The following CDC42BPG variants were observed in gnomAD, a reference collection of about 807,000 sequenced individuals.
CDC42BPG encodes the protein serine/threonine-protein kinase MRCK gamma.
CDC42BPG carries 157 observed loss-of-function variants against 192.2 expected under a neutral mutation model. The ratio of observed to expected loss-of-function variants is 0.82; its 90% confidence interval spans 0.72 to 0.93. The LOEUF (loss-of-function observed/expected upper bound fraction) is 0.93, where lower values mean the gene tolerates loss of function less well. Ranked by LOEUF, CDC42BPG falls within the 40% of genes least tolerant of loss-of-function variation. The probability of loss-of-function intolerance (pLI) is 0.00; values close to 1 mark genes in which losing one functional copy is unlikely to be tolerated. For synonymous variants in CDC42BPG, 981 were observed against 918.5 expected (o/e 1.07, Z -1.23); for missense variants, 1,992 against 2,122.1 (o/e 0.94, Z 1.20).
At chr11:64,839,344 C>T in intron 6 of CDC42BPG, 111 bp from the exon 7 acceptor site, 2 of 1,512,482 alleles carry the variant, frequency 1.3e-6, no homozygotes, top group South Asian at 1.2e-5. Flanking sequence ...CTGCTGCTGC[C>T]CACCTGGGGC....
At chr11:64,836,711 G>GGGGGGGT in intron 11 of CDC42BPG, 28 bp downstream of exon 11, 1 of 608,686 alleles carries the variant, frequency 1.6e-6, no homozygotes, top group Non-Finnish European at 2.5e-6. Flanking sequence ...AGCCCTGGGG[G>GGGGGGGT]GGGGGGGGGG....
intron 28 of CDC42BPG, 67 bp downstream of exon 28, chr11:64,831,438 A>C: frequency 7.0e-7 from 1 of 1,428,606 alleles, no homozygotes; most frequent in Non-Finnish European, 9.7e-7. Flanking sequence ...GGCCCTTGGG[A>C]CTATTCCTAG....
intron 11 of CDC42BPG, 59 bp from the exon 12 acceptor site, chr11:64,836,589 A>G: frequency 6.8e-7 from 1 of 1,478,340 alleles, no homozygotes; most frequent in Non-Finnish European, 9.4e-7. Context: ...TCAGCCCAGG[A>G]GCAAGTCTCC....
intron 36 of CDC42BPG, among the ~76,000 whole-genome samples, chr11:64,825,751 G>A (rs181692365): frequency 1.3e-5 from 2 of 152,262 alleles, no homozygotes; most frequent in Admixed American, 6.5e-5. Flanking sequence ...ACTCCCTGCT[G>A]TGGACTGGGC....
rs558837870 is a variant in CDC42BPG, at chr11:64,826,506, G to A, written c.4563C>T (p.Pro1521=). 15 of 1,605,388 alleles carry A rather than the reference G, an allele frequency of 9.3e-6. No individual in the cohort carries two copies. Among genetic ancestry groups the A allele is most frequent in the Admixed American group, 6.8e-5 (4 of 58,644 alleles). ...TSLSSESVSC[P]QGSLSPATSL... The stretch of plus-strand genomic sequence containing the variant: ...AGGTTGCAGGGCTCAGCGATCCCTG[G>A]GGGCAGGACACAGACTCGCTGGACA... The change falls in exon 36 of 37, where the codon CCC becomes CCT. Residue 1521 remains proline (P), a synonymous_variant. Coordinates refer to ENST00000342711, the MANE Select transcript of CDC42BPG (RefSeq NM_017525.3).
In CDC42BPG at chr11:64,838,741, C is replaced by A. The variant is rs749101098; in HGVS notation, c.1038G>T (p.Ala346=). 2 of 1,612,868 alleles carry A rather than the reference C, an allele frequency of 1.2e-6. No individual in the cohort carries two copies. Among genetic ancestry groups the A allele is most frequent in the Admixed American group, 3.3e-5 (2 of 60,008 alleles). The change falls in exon 8 of 37, where the codon GCG becomes GCT. Residue 346 remains alanine (A), a synonymous_variant. Transcript: ENST00000342711. The part of the protein sequence containing the change: ...FFEGVDWERL[A]SSTAPYIPEL... ...CAGGAATATAGGGGGCCGTGCTGCT[C>A]GCCAGCCGCTCCCAGTCCACGCCTT...
At chr11:64,837,102 T>C (rs991790001) in intron 9 of CDC42BPG, 83 bp from the exon 10 acceptor site, 14 of 1,225,514 alleles carry the variant, frequency 1.1e-5, no homozygotes, top group Non-Finnish European at 1.7e-5. Flanking sequence ...GAATCACTCA[T>C]TAATTGTGAA....
chr11:64,831,403 G>T, intron 28 of CDC42BPG, 102 bp downstream of exon 28: 2 of 1,092,658 alleles, frequency 1.8e-6, no homozygotes, highest in African/African-American at 1.5e-5. Flanking sequence ...GTGTCTCGTG[G>T]CTGCAGGGAA....
At position 64,835,595 on chromosome 11, in the gene CDC42BPG, G is replaced by A. The variant is rs1005992270; in HGVS notation, c.1785C>T (p.Asn595=). 3.2e-6 allele frequency: 5 copies of A among 1,575,178 alleles called. No homozygotes were observed. Among genetic ancestry groups the A allele is most frequent in the African/African-American group, 1.3e-5 (1 of 74,164 alleles). Residue 595 remains asparagine, a synonymous_variant, in exon 15 of 37, where the codon AAC becomes AAT. Transcript: ENST00000342711. ...AKTIHTASET[N]GMGPPEGGPQ... is the part of the protein sequence containing the mutation. Reference sequence around the variant, plus strand: ...GCCCACCCTCAGGGGGTCCCATCCCGTTGGTCTCAGAGGCTGTGTGGATGG... The same window carrying A: ...GCCCACCCTCAGGGGGTCCCATCCCATTGGTCTCAGAGGCTGTGTGGATGG...
At chr11:64,836,326 G>A (rs573751903) in intron 12 of CDC42BPG, 30 bp from the exon 13 acceptor site, 3 of 1,608,582 alleles carry the variant, frequency 1.9e-6, no homozygotes, top group East Asian at 2.2e-5. Flanking sequence ...AGCGGGGAAG[G>A]ACAAGGCCCA....
intron 3 of CDC42BPG, among the ~76,000 whole-genome samples, chr11:64,841,046 G>C (rs1308203247): frequency 6.6e-6 from 1 of 152,122 alleles, no homozygotes; most frequent in African/African-American, 2.4e-5. Flanking sequence ...AGCTACTTGG[G>C]AGGCTGAGGC....
In CDC42BPG at chr11:64,839,520, C is replaced by G; in HGVS notation, c.633G>C (p.Leu211=). ...VLLDVNGHIR[L]ADFGSCLRLN... ...GACGCAGGCAGGAGCCGAAGTCAGC[C>G]AGGCGAATGTGCCCGTTCACATCCA... is the stretch of plus-strand genomic sequence containing the variant. The change falls in exon 6 of 37, where the codon CTG becomes CTC. Residue 211 remains leucine, a synonymous_variant. Coordinates refer to ENST00000342711, the MANE Select transcript of CDC42BPG (RefSeq NM_017525.3). The G allele has an allele frequency of 6.2e-7, 1 of 1,613,284 alleles. No individual in the cohort carries two copies. The highest frequency in any genetic ancestry group is 8.5e-7 in the Non-Finnish European group (1 of 1,180,004).
intron 32 of CDC42BPG, 49 bp from the exon 33 acceptor site, chr11:64,827,447 C>A (rs374492425): frequency 6.2e-7 from 1 of 1,604,392 alleles, no homozygotes; most frequent in South Asian, 1.1e-5. Context: ...TCCCGGGGCC[C>A]AGTCAGCTGG....
chr11:64,832,848 G>A lies in CDC42BPG; in HGVS notation c.2843C>T (p.Thr948Ile). 2 of 1,577,244 alleles carry A rather than the reference G, an allele frequency of 1.3e-6. No individual in the cohort carries two copies. Among genetic ancestry groups the A allele is most frequent in the Non-Finnish European group, 1.7e-6 (2 of 1,161,702 alleles). ...LGVHPETGTG[T>I]AYEGFLSVPR... ...CACCGACAGAAAGCCCTCATAGGCA[G>A]TGCCTGTGCCTGTTTCGGGGTGTAC... is the stretch of plus-strand genomic sequence containing the variant. The change falls in exon 25 of 37, where the codon ACT becomes ATT. Residue 948 changes from threonine (T) to isoleucine (I), a missense_variant. Thr to Ile is a moderately conservative substitution (Grantham distance 89). Around this residue, in one of 2 missense-constraint regions of CDC42BPG, gnomAD observed 1,656 missense variants for 1,844.3 expected, o/e 0.90. Transcript: ENST00000342711.
chr11:64,840,731 G>T, intron 3 of CDC42BPG, 83 bp from the exon 4 acceptor site: 1 of 1,218,832 alleles, frequency 8.2e-7, no homozygotes, highest in Non-Finnish European at 1.2e-6. Flanking sequence ...GATGGAGAAA[G>T]ATTCTGTGAG....
chr11:64,824,242 T>C lies in CDC42BPG; in HGVS notation c.*231A>G, dbSNP rs1942338013. The C allele has an allele frequency of 3.3e-6, 2 of 605,088 alleles. No individual in the cohort carries two copies. The highest frequency in any genetic ancestry group is 2.8e-5 in the East Asian group (1 of 35,306). The allele number at this position is 605,088 out of a possible 1,614,324, so 37.5% of individuals were successfully genotyped here. A position where few individuals can be genotyped will look rare whatever the true frequency, so the allele number is the denominator to read the frequency against. ...ACAAAAGGGGCCATTCTATTCCCAA[T>C]GGCTTAGAAAGGCTGGGGCTGGGAA... On this transcript the variant is annotated 3_prime_UTR_variant, in exon 37 of 37. Coordinates refer to ENST00000342711, the MANE Select transcript of CDC42BPG (RefSeq NM_017525.3).
At chr11:64,824,617 G>T in intron 36 of CDC42BPG, 88 bp from the exon 37 acceptor site, 1 of 841,790 alleles carries the variant, frequency 1.2e-6, no homozygotes, top group Non-Finnish European at 1.9e-6. Context: ...GCCCCCTTAG[G>T]ACCCATCACC....
At position 64,838,694 on chromosome 11, in the gene CDC42BPG, G is replaced by A. The variant is rs768888063; in HGVS notation, c.1085C>T (p.Thr362Ile). Reference protein sequence around the residue: ...YIPELRGPMDTSNFDVDDDTL... With the variant: ...YIPELRGPMDISNFDVDDDTL... ...GTCGTCATCCACATCAAAGTTGGAG[G>A]TGTCCATGGGCCCCCGCAGCTCAGG... The change falls in exon 8 of 37, where the codon ACC becomes ATC. Residue 362 changes from threonine (T) to isoleucine (I), a missense_variant. By Grantham distance (89) the Thr-to-Ile change is moderately conservative. Around this residue, in one of 2 missense-constraint regions of CDC42BPG, gnomAD observed 1,656 missense variants for 1,844.3 expected, o/e 0.90. Coordinates refer to ENST00000342711, the MANE Select transcript of CDC42BPG (RefSeq NM_017525.3). The A allele has an allele frequency of 1.2e-6, 2 of 1,613,262 alleles. No homozygotes were observed. Among genetic ancestry groups the A allele is most frequent in the Admixed American group, 1.7e-5 (1 of 60,030 alleles).
In CDC42BPG at chr11:64,836,964, A is replaced by G; in HGVS notation, c.1261T>C (p.Cys421Arg). 5 of 1,613,206 alleles carry G rather than the reference A, an allele frequency of 3.1e-6. No homozygotes were observed. The highest frequency in any genetic ancestry group is 4.2e-6 in the Non-Finnish European group (5 of 1,179,856). ...AGCTCCACCTTCTCCTGCTCCAGAC[A>G]CTGGAGCTTCCGCTCCAGGGCAGCC... ...AWAALERKLQ[C>R]LEQEKVELSR... Residue 421 changes from cysteine to arginine, a missense_variant, in exon 10 of 37, where the codon TGT becomes CGT. Around this residue, in one of 2 missense-constraint regions of CDC42BPG, gnomAD observed 1,656 missense variants for 1,844.3 expected, o/e 0.90. Transcript: ENST00000342711.
Sources: gnomAD v4.1 joint callset for allele counts (sites outside exome capture counted in the v4.1 genomes callset) on GRCh38, gnomAD v4.1.1 for gene constraint, gnomAD v4.1.1 regional missense constraint, MANE v1.5 for transcripts, NCBI Gene and HGNC (gene_info 2026-07-23, HGNC 2026-07-21) for gene names.